The following PABPC4L variants were observed in gnomAD, a reference collection of about 807,000 sequenced individuals.
PABPC4L encodes the protein polyadenylate-binding protein 4-like.
For missense variants in PABPC4L, 452 were observed against 451.4 expected, an observed-to-expected ratio of 1.00 and a Z score of -0.01; for synonymous variants, 169 against 164.1, an observed-to-expected ratio of 1.03 and a Z score of -0.23.
the PABPC4L span, among the ~76,000 whole-genome samples, chr4:134,069,495 T>G: frequency 6.6e-6 from 1 of 152,160 alleles, no homozygotes; most frequent in Non-Finnish European, 1.5e-5. Flanking sequence ...TAATCCCATA[T>G]TTTTGGAGAG....
At chr4:134,003,205 G>T in the PABPC4L span, among the ~76,000 whole-genome samples, 1 of 151,916 alleles carries the variant, frequency 6.6e-6, no homozygotes, top group Non-Finnish European at 1.5e-5. Flanking sequence ...TTAAGACAAA[G>T]AAATATTTAG....
At chr4:133,956,472 G>C in the PABPC4L span, among the ~76,000 whole-genome samples, 1 of 152,008 alleles carries the variant, frequency 6.6e-6, no homozygotes, top group African/African-American at 2.4e-5. Flanking sequence ...TAGGATTCAG[G>C]ACAAGTTACC....
the PABPC4L span, among the ~76,000 whole-genome samples, chr4:134,050,706 CAAAA>C: frequency 4.8e-5 from 4 of 83,016 alleles, no homozygotes; most frequent in Admixed American, 1.5e-4. Context: ...CACCGTCTCC[CAAAA>C]AAAAAAAAAA....
chr4:134,054,252 GTATATA>G, the PABPC4L span, among the ~76,000 whole-genome samples: 7,802 of 93,612 alleles, frequency 0.083, 283 homozygotes, highest in African/African-American at 0.14. Context: ...AGTTGTATAT[GTATATA>G]TATATATATA....
At chr4:134,032,373 C>T in the PABPC4L span, among the ~76,000 whole-genome samples, 1 of 151,790 alleles carries the variant, frequency 6.6e-6, no homozygotes, top group Non-Finnish European at 1.5e-5. Flanking sequence ...TGAGGAGAAG[C>T]AGGGAGAGAA....
the PABPC4L span, among the ~76,000 whole-genome samples, chr4:133,991,791 C>A: frequency 6.6e-6 from 1 of 152,122 alleles, no homozygotes; most frequent in African/African-American, 2.4e-5. Context: ...CTCCTTAATA[C>A]CATGACACTA....
At chr4:134,116,264 T>A in the PABPC4L span, among the ~76,000 whole-genome samples, 1 of 151,760 alleles carries the variant, frequency 6.6e-6, no homozygotes, top group South Asian at 2.1e-4. Flanking sequence ...TAAGTCCAAG[T>A]GGAAGAGTCA....
At chr4:134,118,595 TCAAA>T in the PABPC4L span, among the ~76,000 whole-genome samples, 37 of 151,960 alleles carry the variant, frequency 2.4e-4, no homozygotes, top group East Asian at 3.9e-4. Flanking sequence ...ACCAAGAATT[TCAAA>T]CAAATAGGTA....
downstream of PABPC4L, among the ~76,000 whole-genome samples, chr4:134,194,911 G>A (rs1039297514): frequency 5.3e-5 from 8 of 151,672 alleles, no homozygotes; most frequent in African/African-American, 1.2e-4. Context: ...GTAATGGAAG[G>A]CCATGAAAGG....
chr4:134,123,870 ACCAGATG>A, the PABPC4L span, among the ~76,000 whole-genome samples: 1 of 152,002 alleles, frequency 6.6e-6, no homozygotes, highest in Non-Finnish European at 1.5e-5. Flanking sequence ...GCCAAAGACT[ACCAGATG>A]CAGAGCTGCA....
chr4:134,056,556 G>A, the PABPC4L span, among the ~76,000 whole-genome samples: 1 of 151,600 alleles, frequency 6.6e-6, no homozygotes, highest in East Asian at 1.9e-4. Flanking sequence ...TACAGTTCTG[G>A]TTAGAATTAT....
At chr4:134,134,334 T>G in the PABPC4L span, among the ~76,000 whole-genome samples, 1 of 152,024 alleles carries the variant, frequency 6.6e-6, no homozygotes, top group Admixed American at 6.6e-5. Context: ...ATATAATGAC[T>G]AGTTGCATAT....
chr4:133,975,977 A>C, the PABPC4L span, among the ~76,000 whole-genome samples: 1 of 152,042 alleles, frequency 6.6e-6, no homozygotes, highest in African/African-American at 2.4e-5. Context: ...TTTTATTTTA[A>C]GTTCCGGGGT....
the PABPC4L span, among the ~76,000 whole-genome samples, chr4:133,983,966 T>C: frequency 6.6e-6 from 1 of 151,862 alleles, no homozygotes; most frequent in African/African-American, 2.4e-5. Context: ...GTCTTTCACA[T>C]AGAAAGAGTA....
the PABPC4L span, among the ~76,000 whole-genome samples, chr4:134,040,060 TAA>T: frequency 6.6e-6 from 1 of 151,566 alleles, no homozygotes; most frequent in African/African-American, 2.4e-5. Flanking sequence ...CTCAAAGAAA[TAA>T]GAGAGGACAA....
the PABPC4L span, among the ~76,000 whole-genome samples, chr4:134,008,434 C>G: frequency 6.6e-6 from 1 of 151,198 alleles, no homozygotes; most frequent in African/African-American, 2.4e-5. Flanking sequence ...CACAATGTGT[C>G]CAAAGTGAGC....
the PABPC4L span, among the ~76,000 whole-genome samples, chr4:134,134,981 T>C: frequency 1.3e-4 from 19 of 151,754 alleles, no homozygotes; most frequent in Non-Finnish European, 2.5e-4. Context: ...TTAAATTTAA[T>C]ACTCTAAACA....
At chr4:134,189,387 C>A in the PABPC4L span, among the ~76,000 whole-genome samples, 1 of 151,272 alleles carries the variant, frequency 6.6e-6, no homozygotes, top group Non-Finnish European at 1.5e-5. Context: ...TTTTTGTTGA[C>A]AGGCAGATGT....
At chr4:134,178,143 T>C in the PABPC4L span, among the ~76,000 whole-genome samples, 1 of 151,958 alleles carries the variant, frequency 6.6e-6, no homozygotes, top group Non-Finnish European at 1.5e-5. Context: ...GGCATACATA[T>C]AGCAGATTAG....
Sources: allele counts gnomAD v4.1 joint callset (sites outside exome capture counted in the v4.1 genomes callset), GRCh38; gene constraint gnomAD v4.1.1; transcripts MANE v1.5; gene names NCBI Gene and HGNC (gene_info 2026-07-23, HGNC 2026-07-21).